The following USP10 variants were observed in gnomAD, a reference collection of about 807,000 sequenced individuals.
USP10 encodes the protein ubiquitin carboxyl-terminal hydrolase 10.
USP10 carries 22 observed loss-of-function variants against 84.5 expected under a neutral mutation model. That is an observed-to-expected ratio of 0.26 (90% CI 0.19 to 0.37). The LOEUF (loss-of-function observed/expected upper bound fraction) is 0.37. Ranked by LOEUF, USP10 falls within the 10% of genes least tolerant of loss-of-function variation. The pLI, the probability that USP10 is intolerant of heterozygous loss-of-function variation, is 1.00. For synonymous variants in USP10, 454 were observed against 387.6 expected, an observed-to-expected ratio of 1.17 and a Z score of -2.01; for missense variants, 1,019 against 998.9, an observed-to-expected ratio of 1.02 and a Z score of -0.27.
intron 1 of USP10, among the ~76,000 whole-genome samples, chr16:84,725,801 C>T (rs1027508728): frequency 6.6e-6 from 1 of 152,220 alleles, no homozygotes; most frequent in African/African-American, 2.4e-5. Flanking sequence ...TCTGGTCCAA[C>T]ATACCTTCAT....
chr16:84,763,140 G>T, intron 9 of USP10, 52 bp downstream of exon 9: 2 of 1,188,358 alleles, frequency 1.7e-6, no homozygotes, highest in Non-Finnish European at 2.5e-6. Flanking sequence ...GCTGTAAACA[G>T]GTGTTGCATA....
At chr16:84,736,686 G>A (rs1167176943) in intron 2 of USP10, among the ~76,000 whole-genome samples, 2 of 152,194 alleles carry the variant, frequency 1.3e-5, no homozygotes, top group South Asian at 4.1e-4. Flanking sequence ...CCATGACTGA[G>A]TCAATAAGCC....
intron 1 of USP10, among the ~76,000 whole-genome samples, chr16:84,703,484 G>C (rs1050631342): frequency 2.0e-5 from 3 of 152,144 alleles, no homozygotes; most frequent in African/African-American, 4.8e-5. Flanking sequence ...TCCCCCTCTA[G>C]CATATGGCTG....
chr16:84,701,260 A>C (rs183062607), intron 1 of USP10, among the ~76,000 whole-genome samples: 1 of 152,374 alleles, frequency 6.6e-6, no homozygotes, highest in East Asian at 1.9e-4. Flanking sequence ...TTAAAAAATT[A>C]GATCTTACGA....
intron 8 of USP10, among the ~76,000 whole-genome samples, chr16:84,762,319 G>C (rs1913299458): frequency 6.6e-6 from 1 of 152,182 alleles, no homozygotes; most frequent in Non-Finnish European, 1.5e-5. Context: ...ACAGTGAACT[G>C]GCCCTAGACA....
At chr16:84,766,665 A>G (rs1913898802) in intron 10 of USP10, among the ~76,000 whole-genome samples, 1 of 152,208 alleles carries the variant, frequency 6.6e-6, no homozygotes, top group African/African-American at 2.4e-5. Context: ...TCTAAGAGTA[A>G]CCAGTGGAAA....
intron 10 of USP10, among the ~76,000 whole-genome samples, chr16:84,766,072 G>A (rs1387860492): frequency 2.6e-5 from 4 of 152,146 alleles, no homozygotes; most frequent in Non-Finnish European, 4.4e-5. Context: ...CAAATGCTGC[G>A]TACCTGAAAG....
chr16:84,725,805 C>G (rs1041938086), intron 1 of USP10, among the ~76,000 whole-genome samples: 1 of 152,202 alleles, frequency 6.6e-6, no homozygotes, highest in African/African-American at 2.4e-5. Context: ...GTCCAACATA[C>G]CTTCATTTTG....
chr16:84,729,477 T>C (rs991052174), intron 1 of USP10, among the ~76,000 whole-genome samples: 3 of 152,342 alleles, frequency 2.0e-5, no homozygotes, highest in East Asian at 3.9e-4. Context: ...GTATAAGTTA[T>C]ATTTGTATTG....
intron 5 of USP10, among the ~76,000 whole-genome samples, chr16:84,759,079 C>G (rs1158400535): frequency 6.6e-6 from 1 of 152,214 alleles, no homozygotes; most frequent in Non-Finnish European, 1.5e-5. Flanking sequence ...TAGGGCAGAG[C>G]AACCACTTAC....
intron 10 of USP10, among the ~76,000 whole-genome samples, chr16:84,766,730 G>T (rs1223233322): frequency 6.6e-6 from 1 of 152,220 alleles, no homozygotes; most frequent in Non-Finnish European, 1.5e-5. Context: ...CTCTGTCACA[G>T]CTGCTAGCCA....
At chr16:84,757,395 GGGTGGGGGTGTGTGTGT>G (rs1239647242) in intron 4 of USP10, among the ~76,000 whole-genome samples, 2 of 82,522 alleles carry the variant, frequency 2.4e-5, no homozygotes, top group African/African-American at 4.4e-5. Flanking sequence ...GGAATGAGAG[GGGTGGGGGTGTGTGTGT>G]GTGTGTGTGT....
chr16:84,711,441 G>A lies in USP10; in HGVS notation c.21+11330G>A, dbSNP rs532244252. On this transcript the variant is annotated intron_variant, in intron 1 of 13. Transcript: ENST00000219473. ...AACTTTATAATTCATCCTGAAGCCT[G>A]GTTGTCAACATCTCTGAGGATGTGT... Among the ~76,000 whole-genome samples, 10 of 152,262 alleles carry A rather than the reference G, an allele frequency of 6.6e-5. No homozygotes were observed. The East Asian group carries it at 1.7e-3, about 26-fold the overall frequency.
chr16:84,777,566 C>T (rs868056038), intron 13 of USP10, among the ~76,000 whole-genome samples: 2 of 152,174 alleles, frequency 1.3e-5, no homozygotes, highest in South Asian at 2.1e-4. Flanking sequence ...AGTACGGGCC[C>T]CACAGTCTTG....
chr16:84,768,961 G>C (rs962843864), intron 11 of USP10, among the ~76,000 whole-genome samples: 1 of 152,222 alleles, frequency 6.6e-6, no homozygotes, highest in Non-Finnish European at 1.5e-5. Context: ...GAGACGGATA[G>C]CATTCTGCCC....
chr16:84,733,497 A>G lies in USP10; in HGVS notation c.84A>G (p.Ser28=). The G allele has an allele frequency of 6.2e-7, 1 of 1,608,976 alleles. No individual in the cohort carries two copies. Among genetic ancestry groups the G allele is most frequent in the South Asian group, 1.1e-5 (1 of 90,262 alleles). Residue 28 remains serine, a synonymous_variant, in exon 2 of 14, where the codon TCA becomes TCG. Coordinates refer to ENST00000219473, the MANE Select transcript of USP10 (RefSeq NM_005153.3). ...AATTCTTTGTGACTCCTCGATCTTCAGTTGAGGTAAGACAAAACTTTGTTT... is the reference window on the plus strand; with the variant it reads ...AATTCTTTGTGACTCCTCGATCTTCGGTTGAGGTAAGACAAAACTTTGTTT... ...FNQFFVTPRS[S]VELPPYSGTV...
intron 4 of USP10, among the ~76,000 whole-genome samples, chr16:84,757,393 AG>A (rs1555546426): frequency 0.029 from 2,737 of 95,980 alleles, 28 homozygotes; most frequent in Middle Eastern, 0.043. Flanking sequence ...AGGGAATGAG[AG>A]GGGTGGGGGT....
chr16:84,753,524 C>G (rs1912176601), intron 4 of USP10, among the ~76,000 whole-genome samples: 2 of 152,186 alleles, frequency 1.3e-5, no homozygotes, highest in African/African-American at 4.8e-5. Context: ...TTTGCTATAG[C>G]TGAGCGTGGT....
chr16:84,733,901 A>AGT (rs34073781), intron 2 of USP10, among the ~76,000 whole-genome samples: 3 of 151,926 alleles, frequency 2.0e-5, no homozygotes, highest in African/African-American at 7.3e-5. Context: ...ATGGTATACT[A>AGT]TATTCAGTTT....
Sources: gnomAD v4.1 joint callset for allele counts (sites outside exome capture counted in the v4.1 genomes callset) on GRCh38, gnomAD v4.1.1 for gene constraint, MANE v1.5 for transcripts, NCBI Gene and HGNC (gene_info 2026-07-23, HGNC 2026-07-21) for gene names.